FA2H: variants seen among roughly 807,000 people sequenced by gnomAD.
FA2H encodes fatty acid alpha-hydroxylase.
Under a neutral mutation model 44.9 loss-of-function variants are expected in FA2H, and 22 were observed. That is an observed-to-expected ratio of 0.49 (90% confidence interval 0.35 to 0.70). The LOEUF (loss-of-function observed/expected upper bound fraction) is 0.70, where lower values mean the gene tolerates loss of function less well. FA2H is among the 30% of genes least tolerant of loss of function. The pLI, the probability that FA2H is intolerant of heterozygous loss-of-function variation, is 0.01. For missense variants in FA2H, 501 were observed against 504.9 expected (o/e 0.99, Z 0.07); for synonymous variants, 243 against 213.2 (o/e 1.14, Z -1.22).
intron 1 of FA2H, among the ~76,000 whole-genome samples, chr16:74,749,962 T>A (rs1241220283): frequency 6.6e-6 from 1 of 152,298 alleles, no homozygotes; most frequent in East Asian, 1.9e-4. Context: ...CGGCCAGAGC[T>A]TGTCAGGGTA....
intron 4 of FA2H, 150 bp from the exon 5 acceptor site, chr16:74,719,310 G>A (rs1445288862): frequency 5.9e-6 from 4 of 682,038 alleles, no homozygotes. Flanking sequence ...GGGTCCTTGA[G>A]TCAAAATGGG....
intron 1 of FA2H, among the ~76,000 whole-genome samples, chr16:74,741,617 C>T (rs1962296650): frequency 6.6e-6 from 1 of 151,584 alleles, no homozygotes; most frequent in South Asian, 2.1e-4. Flanking sequence ...CACATGACCA[C>T]ACCCAGCTAA....
At chr16:74,772,537 T>C (rs1342467827) in intron 1 of FA2H, among the ~76,000 whole-genome samples, 6 of 152,210 alleles carry the variant, frequency 3.9e-5, no homozygotes, top group Non-Finnish European at 2.9e-5. Flanking sequence ...ACCAGTTCCA[T>C]GACTGAATAA....
chr16:74,725,981 A>T (rs1261512996), intron 4 of FA2H: 2 of 487,476 alleles, frequency 4.1e-6, no homozygotes, highest in African/African-American at 1.9e-5. Flanking sequence ...TTTTATTGCT[A>T]TGCCACCCGA....
chr16:74,740,955 C>A (rs1459524110), intron 1 of FA2H, among the ~76,000 whole-genome samples: 5 of 152,210 alleles, frequency 3.3e-5, no homozygotes, highest in Non-Finnish European at 7.3e-5. Context: ...GCTGTCCCTG[C>A]AGCAACACCC....
At chr16:74,772,450 A>G (rs551983418) in intron 1 of FA2H, among the ~76,000 whole-genome samples, 26 of 152,326 alleles carry the variant, frequency 1.7e-4, no homozygotes, top group Middle Eastern at 3.4e-3. Context: ...CATTAGCTCC[A>G]TGAAGACAGG....
chr16:74,770,864 C>T (rs1031825839), intron 1 of FA2H, among the ~76,000 whole-genome samples: 2 of 152,250 alleles, frequency 1.3e-5, no homozygotes, highest in Non-Finnish European at 2.9e-5. Context: ...ATGTCTGCAG[C>T]ATGGCCCGCC....
At chr16:74,738,746 C>A (rs77039445) in intron 2 of FA2H, among the ~76,000 whole-genome samples, 1 of 150,990 alleles carries the variant, frequency 6.6e-6, no homozygotes, top group Admixed American at 6.6e-5. Context: ...CCCCTCCGAT[C>A]TCCCCCTGTT....
At chr16:74,721,233 T>G (rs551216906) in intron 4 of FA2H, among the ~76,000 whole-genome samples, 1 of 152,134 alleles carries the variant, frequency 6.6e-6, no homozygotes, top group African/African-American at 2.4e-5. Context: ...AATGGGACGA[T>G]CTCGGCTCAC....
intron 3 of FA2H, 117 bp from the exon 4 acceptor site, chr16:74,726,448 G>T: frequency 1.5e-6 from 1 of 681,786 alleles, no homozygotes; most frequent in Non-Finnish European, 2.6e-6. Flanking sequence ...GAGTGCAATG[G>T]CGTGATTTCG....
intron 2 of FA2H, among the ~76,000 whole-genome samples, chr16:74,730,667 C>T (rs1404991928): frequency 1.6e-4 from 24 of 152,164 alleles, no homozygotes. Context: ...AGAGCCCCAC[C>T]TTAGAAGAAG....
At chr16:74,731,124 T>C (rs566078070) in intron 2 of FA2H, among the ~76,000 whole-genome samples, 6 of 152,260 alleles carry the variant, frequency 3.9e-5, no homozygotes, top group Non-Finnish European at 5.9e-5. Context: ...TAGTTGGGTC[T>C]TCCTTTTTAA....
At chr16:74,726,831 A>C (rs1961968506) in intron 3 of FA2H, among the ~76,000 whole-genome samples, 1 of 152,204 alleles carries the variant, frequency 6.6e-6, no homozygotes, top group African/African-American at 2.4e-5. Flanking sequence ...AGAGGCTGTG[A>C]GTCCATCTGC....
chr16:74,762,855 C>G (rs1473294000), intron 1 of FA2H, among the ~76,000 whole-genome samples: 1 of 152,136 alleles, frequency 6.6e-6, no homozygotes, highest in African/African-American at 2.4e-5. Flanking sequence ...AAAAAGTGGC[C>G]TTTTATTAGG....
intron 1 of FA2H, among the ~76,000 whole-genome samples, chr16:74,772,512 T>C (rs1182440202): frequency 6.6e-6 from 1 of 152,170 alleles, no homozygotes; most frequent in African/African-American, 2.4e-5. Context: ...CACAGTGCTG[T>C]CAACCCATTA....
chr16:74,727,225 G>A lies in FA2H; in HGVS notation c.506+19C>T. 1 of 1,613,916 alleles carries A rather than the reference G, an allele frequency of 6.2e-7. No homozygotes were observed. Among genetic ancestry groups the A allele is most frequent in the South Asian group, 1.1e-5 (1 of 91,080 alleles). ...CAGAAGAGAGGGACAGCCTGCCACA[G>A]GCTCAGGGAAGAGCTCACCAGACAG... On this transcript the variant is annotated intron_variant, in intron 3 of 6. Transcript: ENST00000219368.
chr16:74,766,822 A>T (rs1244671703), intron 1 of FA2H, among the ~76,000 whole-genome samples: 1 of 152,238 alleles, frequency 6.6e-6, no homozygotes, highest in Non-Finnish European at 1.5e-5. Context: ...GAGTGAAAGC[A>T]GCCATCAACA....
chr16:74,739,275 G>A (rs1029522119), intron 2 of FA2H, among the ~76,000 whole-genome samples: 3 of 152,132 alleles, frequency 2.0e-5, no homozygotes, highest in Non-Finnish European at 4.4e-5. Flanking sequence ...GCAGGGTAGG[G>A]GTTTATGGAC....
chr16:74,768,170 A>G (rs1490585262), intron 1 of FA2H, among the ~76,000 whole-genome samples: 1 of 152,212 alleles, frequency 6.6e-6, no homozygotes, highest in Non-Finnish European at 1.5e-5. Flanking sequence ...TCCCGGGAAT[A>G]CTTCCAAAGA....
Sources: gnomAD v4.1 joint callset for allele counts (sites outside exome capture counted in the v4.1 genomes callset) on GRCh38, gnomAD v4.1.1 for gene constraint, MANE v1.5 for transcripts, NCBI Gene and HGNC (gene_info 2026-07-23, HGNC 2026-07-21) for gene names.